Variants in MOCS1 observed in about 807,000 individuals in gnomAD.
MOCS1 encodes molybdenum cofactor biosynthesis protein 1.
Under a neutral mutation model 57.6 loss-of-function variants are expected in MOCS1, and 39 were observed. The observed-to-expected ratio is 0.68, with a 90% CI of 0.52 to 0.88. MOCS1 has a LOEUF of 0.88. Ranked by LOEUF, MOCS1 falls within the 40% of genes least tolerant of loss-of-function variation. The pLI is 0.00. For synonymous variants in MOCS1, 334 were observed against 335.7 expected, an observed-to-expected ratio of 1.00 and a Z score of 0.05; for missense variants, 795 against 831.1, an observed-to-expected ratio of 0.96 and a Z score of 0.53.
At chr6:39,927,704 G>T in intron 1 of MOCS1, 1 of 1,535,068 alleles carries the variant, frequency 6.5e-7, no homozygotes, top group Non-Finnish European at 8.7e-7. Flanking sequence ...TCTCTACTGG[G>T]AAGATTTCTG....
intron 10 of MOCS1, among the ~76,000 whole-genome samples, chr6:39,908,185 T>A (rs1315055545): frequency 5.3e-5 from 8 of 152,220 alleles, no homozygotes; most frequent in Non-Finnish European, 8.8e-5. Flanking sequence ...TTGGGCTGTC[T>A]CTAGCCTGCC....
Position 39,905,118 on chromosome 6 carries a change from A to G in MOCS1, c.*1239T>C, listed in dbSNP as rs959011371. On this transcript the variant is annotated 3_prime_UTR_variant, in exon 11 of 11. Coordinates refer to ENST00000340692, the MANE Select transcript of MOCS1 (RefSeq NM_001358530.2). ...CCTTGGCATAGGGCAGAGGGGAGGC[A>G]GGCAGGGGGCACCACTGAGGACTCA... The G allele has an allele frequency of 6.6e-6, 3 of 454,460 alleles. No individual in the cohort carries two copies. Among genetic ancestry groups the G allele is most frequent in the Non-Finnish European group, 4.4e-6 (1 of 226,928 alleles). The allele number at this position is 454,460 out of a possible 1,614,324, so 28.2% of individuals were successfully genotyped here.
At position 39,912,047 on chromosome 6, in the gene MOCS1, A is replaced by AGAAG. The variant is rs561254500; in HGVS notation, c.981+213_981+216dup. 3.7e-3 allele frequency among the ~76,000 whole-genome samples: 566 copies of AGAAG among 152,286 alleles called. 1 individual carries two copies. Among genetic ancestry groups the AGAAG allele is most frequent in the Non-Finnish European group, 6.1e-3 (414 of 68,014 alleles). ...ACCAGAAGCTACTTCAGGGCCCCAC[A>AGAAG]GAAGGAAGGAAGGAATCAGGGTGAC... On this transcript the variant is annotated intron_variant, in intron 8 of 10. Transcript: ENST00000340692.
At chr6:39,910,062 G>C in intron 8 of MOCS1, 107 bp from the exon 9 acceptor site, 1 of 1,529,948 alleles carries the variant, frequency 6.5e-7, no homozygotes, top group Non-Finnish European at 8.9e-7. Flanking sequence ...GGAGCACCAG[G>C]GCCCAGGCCT....
Position 39,904,265 on chromosome 6 carries a change from AAAAG to A in MOCS1, c.*2088_*2091del, listed in dbSNP as rs761346274. On this transcript the variant is annotated 3_prime_UTR_variant, in exon 11 of 11. Coordinates refer to ENST00000340692, the MANE Select transcript of MOCS1 (RefSeq NM_001358530.2). Reference sequence around the variant, plus strand: ...TTCCAGAGCTCAGCCTTCTCACTCTAAAAGAAAGATATTTTTCTATTTATTTTCT... The same window carrying A: ...TTCCAGAGCTCAGCCTTCTCACTCTAAAAGATATTTTTCTATTTATTTTCT... 1.8e-4 allele frequency: 84 copies of A among 456,646 alleles called. 3 individuals carry two copies. Among genetic ancestry groups the A allele is most frequent in the South Asian group, 7.4e-4 (48 of 64,576 alleles). The allele number at this position is 456,646 out of a possible 1,614,324, so 28.3% of individuals were successfully genotyped here. A position where few individuals can be genotyped will look rare whatever the true frequency, so the allele number is the denominator to read the frequency against.
chr6:39,905,767 G>A lies in MOCS1; in HGVS notation c.*590C>T, dbSNP rs1397024971. On this transcript the variant is annotated 3_prime_UTR_variant, in exon 11 of 11. Coordinates refer to ENST00000340692, the MANE Select transcript of MOCS1 (RefSeq NM_001358530.2). ...AGCAGGACCGGGCAACTGTTAAGCT[G>A]AAAGGCTGCAAGTCTGATGGGACAC... is the stretch of plus-strand genomic sequence containing the variant. The A allele has an allele frequency of 1.1e-5, 5 of 471,098 alleles. No individual in the cohort carries two copies. The highest frequency in any genetic ancestry group is 2.2e-5 in the Non-Finnish European group (5 of 227,084). The allele number at this position is 471,098 out of a possible 1,614,324, so 29.2% of individuals were successfully genotyped here. A position where few individuals can be genotyped will look rare whatever the true frequency, so the allele number is the denominator to read the frequency against.
At chr6:39,925,630 G>A (rs555969506) in intron 3 of MOCS1, 48 bp downstream of exon 3, 62 of 1,608,560 alleles carry the variant, frequency 3.9e-5, no homozygotes, top group African/African-American at 2.1e-4. Flanking sequence ...GTGTCCAGCC[G>A]GATGAGGCAG....
intron 8 of MOCS1, among the ~76,000 whole-genome samples, chr6:39,911,846 C>T (rs1562088065): frequency 1.3e-5 from 2 of 152,224 alleles, no homozygotes; most frequent in Non-Finnish European, 2.9e-5. Context: ...GAAGGGGTCC[C>T]GACATCCCCC....
rs1342081346 is a variant in MOCS1 at position 39,905,338 on chromosome 6, C to CTTTA, written c.*1015_*1018dup. The CTTTA allele has an allele frequency of 4.4e-6, 2 of 457,990 alleles. No individual in the cohort carries two copies. The highest frequency in any genetic ancestry group is 1.5e-5 in the South Asian group (1 of 64,570). The allele number at this position is 457,990 out of a possible 1,614,324, so 28.4% of individuals were successfully genotyped here. On this transcript the variant is annotated 3_prime_UTR_variant, in exon 11 of 11. Coordinates refer to ENST00000340692, the MANE Select transcript of MOCS1 (RefSeq NM_001358530.2). ...GTGCATTTCTATGCCCCCTACTCCA[C>CTTTA]TTTATTTTCCCATAGCGGGGCTATA...
At position 39,904,492 on chromosome 6, in the gene MOCS1, TTCTC is replaced by T. The variant is rs1487050783; in HGVS notation, c.*1861_*1864del. The stretch of plus-strand genomic sequence containing the variant: ...CTGCTCCTGCCACCTTTAGATAAGT[TTCTC>T]TAGCTAATTTTGTGGCCAATGTAAA... On this transcript the variant is annotated 3_prime_UTR_variant, in exon 11 of 11. Coordinates refer to ENST00000340692, the MANE Select transcript of MOCS1 (RefSeq NM_001358530.2). The T allele has an allele frequency of 2.2e-6, 1 of 454,312 alleles. No homozygotes were observed. Among genetic ancestry groups the T allele is most frequent in the African/African-American group, 2.0e-5 (1 of 50,004 alleles). 28.1% of individuals were successfully genotyped at this position (454,312 alleles called of 1,614,324 possible).
In MOCS1 at chr6:39,925,806, G is replaced by T. The variant is rs368863685; in HGVS notation, c.290C>A (p.Pro97His). ...CTCTGTGGTCAGCAGGTTGGCTTTG[G>T]GGGTCAGCGGGACCCCCTCCTCGGG... ...CMPEEGVPLT[P>H]KANLLTTEEI... The change falls in exon 3 of 11, where the codon CCC (proline) becomes CAC (histidine). Residue 97 changes from proline (P) to histidine (H), a missense_variant. Physicochemically the swap from Pro to His is moderately conservative, Grantham distance 77. Around this residue, in one of 3 missense-constraint regions of MOCS1, gnomAD observed 416 missense variants for 392.4 expected, o/e 1.06. Coordinates refer to ENST00000340692, the MANE Select transcript of MOCS1 (RefSeq NM_001358530.2). The T allele has an allele frequency of 6.2e-7, 1 of 1,612,732 alleles. No homozygotes were observed. Among genetic ancestry groups the T allele is most frequent in the Non-Finnish European group, 8.5e-7 (1 of 1,179,932 alleles).
chr6:39,926,044 G>A (rs1768276663), intron 2 of MOCS1, among the ~76,000 whole-genome samples, 199 bp from the exon 3 acceptor site: 2 of 152,184 alleles, frequency 1.3e-5, no homozygotes, highest in Admixed American at 1.3e-4. Flanking sequence ...TTTCTGAAAC[G>A]TTAACACCTT....
At chr6:39,929,925 G>C (rs1448479194) in intron 1 of MOCS1, among the ~76,000 whole-genome samples, 17 of 124,532 alleles carry the variant, frequency 1.4e-4, no homozygotes, top group African/African-American at 5.1e-4. Flanking sequence ...CTGGGCAACA[G>C]AGCGAGATTC....
chr6:39,912,215 T>C, intron 8 of MOCS1, 49 bp downstream of exon 8: 1 of 1,377,052 alleles, frequency 7.3e-7, no homozygotes, highest in Non-Finnish European at 1.0e-6. Flanking sequence ...GGAGGAGACA[T>C]GAGAACACAG....
intron 1 of MOCS1, among the ~76,000 whole-genome samples, chr6:39,933,585 C>T (rs1216831173): frequency 1.3e-5 from 2 of 152,074 alleles, no homozygotes; most frequent in Non-Finnish European, 2.9e-5. Context: ...CCAAATTATT[C>T]CCTAACCACC....
At chr6:39,926,692 T>C (rs187365676) in intron 2 of MOCS1, among the ~76,000 whole-genome samples, 13 of 7,764 alleles carry the variant, frequency 1.7e-3, no homozygotes, top group Admixed American at 1.8e-3. Flanking sequence ...CTTTATTTCT[T>C]ATCGTGAGGT....
intron 3 of MOCS1, among the ~76,000 whole-genome samples, chr6:39,924,421 C>T (rs546101329): frequency 1.3e-5 from 2 of 152,350 alleles, no homozygotes; most frequent in South Asian, 2.1e-4. Context: ...AGAGCTTTCA[C>T]GCCAGCGAAT....
At chr6:39,929,927 G>C (rs1435327123) in intron 1 of MOCS1, among the ~76,000 whole-genome samples, 2 of 129,238 alleles carry the variant, frequency 1.5e-5, no homozygotes, top group African/African-American at 3.1e-5. Context: ...GGGCAACAGA[G>C]CGAGATTCTC....
intron 1 of MOCS1, among the ~76,000 whole-genome samples, chr6:39,928,105 T>C (rs1768441470): frequency 6.6e-6 from 1 of 151,870 alleles, no homozygotes; most frequent in South Asian, 2.1e-4. Flanking sequence ...AAGGCTTGGA[T>C]GGGGTCCAAG....
Sources: gnomAD v4.1 joint callset for allele counts (sites outside exome capture counted in the v4.1 genomes callset) on GRCh38, gnomAD v4.1.1 for gene constraint, gnomAD v4.1.1 regional missense constraint, MANE v1.5 for transcripts, NCBI Gene and HGNC (gene_info 2026-07-23, HGNC 2026-07-21) for gene names.